Variants in SPIRE1 observed in about 807,000 individuals in gnomAD.
The protein encoded by SPIRE1 is protein spire homolog 1.
In SPIRE1, 40 loss-of-function variants were observed where a neutral mutation model predicts 94.1. That is an observed-to-expected ratio of 0.43 (90% CI 0.33 to 0.55). SPIRE1 has a LOEUF of 0.55. Among genes scored for constraint, SPIRE1 ranks in the 20% least tolerant of loss-of-function variants. SPIRE1 has a pLI of 0.06. For missense variants in SPIRE1, 838 were observed against 975.2 expected (o/e 0.86, Z 1.87); for synonymous variants, 376 against 371.7 (o/e 1.01, Z -0.13).
At chr18:12,601,441 A>G (rs1240782153) in intron 2 of SPIRE1, among the ~76,000 whole-genome samples, 1 of 152,028 alleles carries the variant, frequency 6.6e-6, no homozygotes, top group Non-Finnish European at 1.5e-5. Flanking sequence ...CGAAAACAAA[A>G]AACAGAACCA....
intron 2 of SPIRE1, among the ~76,000 whole-genome samples, chr18:12,632,727 C>T (rs536632011): frequency 4.7e-4 from 65 of 137,690 alleles, no homozygotes; most frequent in Admixed American, 8.6e-4. Flanking sequence ...TGAAAAACTT[C>T]TATTTAGTTA....
Position 12,449,124 on chromosome 18 carries a change from A to T in SPIRE1, c.*514T>A, listed in dbSNP as rs2031090695. ...AACAACATTTAAAAATCAGTTGAAG[A>T]GTGTCAGCAGGTGCTTCTAGGTTCT... On this transcript the variant is annotated 3_prime_UTR_variant, in exon 17 of 17. Coordinates refer to ENST00000409402, the MANE Select transcript of SPIRE1 (RefSeq NM_001128626.2). 1 of 153,370 alleles carries T rather than the reference A, an allele frequency of 6.5e-6. No individual in the cohort carries two copies. The highest frequency in any genetic ancestry group is 6.5e-5 in the Admixed American group (1 of 15,418). 9.5% of individuals were successfully genotyped at this position (153,370 alleles called of 1,614,324 possible).
chr18:12,478,454 GGT>G (rs1013638114), intron 10 of SPIRE1, among the ~76,000 whole-genome samples: 6 of 150,882 alleles, frequency 4.0e-5, no homozygotes, highest in African/African-American at 4.9e-5. Flanking sequence ...GTGTAGCTAG[GGT>G]GTGTGTGTGC....
intron 2 of SPIRE1, among the ~76,000 whole-genome samples, chr18:12,631,355 T>C: frequency 6.6e-6 from 1 of 151,722 alleles, no homozygotes. Flanking sequence ...AAAACTACAT[T>C]AAAAAAATGA....
At chr18:12,532,735 T>C (rs1567914038) in intron 4 of SPIRE1, among the ~76,000 whole-genome samples, 2 of 152,248 alleles carry the variant, frequency 1.3e-5, no homozygotes, top group Non-Finnish European at 2.9e-5. Context: ...TGTATAAAAA[T>C]GTTCTATCAT....
intron 4 of SPIRE1, among the ~76,000 whole-genome samples, chr18:12,524,860 TC>T (rs1399260788): frequency 6.6e-6 from 1 of 151,870 alleles, no homozygotes; most frequent in Non-Finnish European, 1.5e-5. Context: ...ACACCTGTAG[TC>T]CTAGCTACTT....
chr18:12,632,038 CTG>C (rs2037796207), intron 2 of SPIRE1, among the ~76,000 whole-genome samples: 1 of 113,206 alleles, frequency 8.8e-6, no homozygotes, highest in Non-Finnish European at 2.1e-5. Flanking sequence ...GAGCAAGACT[CTG>C]TCTCCAAAAA....
At chr18:12,607,995 A>G (rs2037032909) in intron 2 of SPIRE1, among the ~76,000 whole-genome samples, 1 of 152,058 alleles carries the variant, frequency 6.6e-6, no homozygotes, top group Admixed American at 6.5e-5. Context: ...TCTCTACTAA[A>G]AAAATACAAA....
At chr18:12,489,895 C>A (rs2033171630) in intron 8 of SPIRE1, among the ~76,000 whole-genome samples, 1 of 152,178 alleles carries the variant, frequency 6.6e-6, no homozygotes, top group Non-Finnish European at 1.5e-5. Flanking sequence ...AACATTCAGG[C>A]ATTTTTGCCA....
chr18:12,450,947 G>C (rs991182688), intron 16 of SPIRE1: 1 of 641,566 alleles, frequency 1.6e-6, no homozygotes, highest in Admixed American at 2.1e-5. Flanking sequence ...GTTTGATGGA[G>C]AAAAGGGTCC....
intron 10 of SPIRE1, among the ~76,000 whole-genome samples, chr18:12,475,702 T>G (rs770803059): frequency 2.0e-5 from 3 of 152,254 alleles, no homozygotes; most frequent in Non-Finnish European, 4.4e-5. Context: ...AAGTCAATCT[T>G]GGTTTAGGAA....
intron 6 of SPIRE1, among the ~76,000 whole-genome samples, chr18:12,498,163 A>C (rs575947522): frequency 1.3e-5 from 2 of 152,348 alleles, no homozygotes; most frequent in African/African-American, 4.8e-5. Context: ...TGGCCCTCAA[A>C]AAGTTTGCTG....
At chr18:12,616,035 C>T (rs113477935) in intron 2 of SPIRE1, among the ~76,000 whole-genome samples, 4 of 151,904 alleles carry the variant, frequency 2.6e-5, no homozygotes, top group African/African-American at 4.8e-5. Flanking sequence ...ACAAGCTCTT[C>T]GTTTTTTTTT....
At position 12,540,914 on chromosome 18, in the gene SPIRE1, T is replaced by C. The variant is rs371467573; in HGVS notation, c.604-5313A>G. ...TCACACCATCCTGCACTGTCCTGCC[T>C]GGGGTGTGAATCACCCCTTTGTGCA... On this transcript the variant is annotated intron_variant, in intron 3 of 16. Transcript: ENST00000409402. 9.8e-5 allele frequency among the ~76,000 whole-genome samples: 15 copies of C among 152,346 alleles called. No individual in the cohort carries two copies. In the East Asian group the frequency reaches 2.7e-3, roughly 27 times the overall value.
At chr18:12,571,445 T>G (rs1027634433) in intron 2 of SPIRE1, among the ~76,000 whole-genome samples, 1 of 152,140 alleles carries the variant, frequency 6.6e-6, no homozygotes, top group African/African-American at 2.4e-5. Context: ...ATCTAACACA[T>G]TATCATGCCC....
chr18:12,530,212 C>CT (rs1193958140), intron 4 of SPIRE1, among the ~76,000 whole-genome samples: 1 of 152,120 alleles, frequency 6.6e-6, no homozygotes, highest in Non-Finnish European at 1.5e-5. Context: ...AATGCACTTA[C>CT]TTATCTATAT....
At chr18:12,615,821 T>G (rs2037291954) in intron 2 of SPIRE1, among the ~76,000 whole-genome samples, 1 of 151,818 alleles carries the variant, frequency 6.6e-6, no homozygotes, top group African/African-American at 2.4e-5. Context: ...GTTAAAGGAA[T>G]AAAATAAAAG....
chr18:12,613,986 C>T (rs1464917975), intron 2 of SPIRE1, among the ~76,000 whole-genome samples: 3 of 149,216 alleles, frequency 2.0e-5, no homozygotes, highest in Admixed American at 6.7e-5. Context: ...AGGGCAAGCA[C>T]GGTGGCACAC....
chr18:12,450,283 C>T (rs558656715), intron 16 of SPIRE1, among the ~76,000 whole-genome samples: 7 of 151,914 alleles, frequency 4.6e-5, no homozygotes, highest in East Asian at 3.9e-4. Context: ...CGCTTGAACC[C>T]GGGAGGTGAA....
Sources: allele counts gnomAD v4.1 joint callset (sites outside exome capture counted in the v4.1 genomes callset), GRCh38; gene constraint gnomAD v4.1.1; transcripts MANE v1.5; gene names NCBI Gene and HGNC (gene_info 2026-07-23, HGNC 2026-07-21).